ZNF354B: variants seen among roughly 807,000 people sequenced by gnomAD.
The protein encoded by ZNF354B is zinc finger protein 354B.
A neutral mutation model predicts 12.9 loss-of-function variants in ZNF354B; 10 were observed. That is an observed-to-expected ratio of 0.77 (90% CI 0.48 to 1.31). The LOEUF is 1.31. Ranked by LOEUF, ZNF354B falls within the 40% of genes most tolerant of loss-of-function variation. The pLI is 0.00. For synonymous variants in ZNF354B, 260 were observed against 243.7 expected, an observed-to-expected ratio of 1.07 and a Z score of -0.62; for missense variants, 614 against 711.7, an observed-to-expected ratio of 0.86 and a Z score of 1.56.
In ZNF354B at chr5:178,873,934, G is replaced by T. The variant is rs551015830; in HGVS notation, c.256+6863G>T. 9.3e-5 allele frequency among the ~76,000 whole-genome samples: 14 copies of T among 150,898 alleles called. No homozygotes were observed. The East Asian group carries it at 1.9e-3, about 21-fold the overall frequency. On this transcript the variant is annotated intron_variant, in intron 4 of 4. Transcript: ENST00000322434. Reference sequence around the variant, plus strand: ...TCAGTGTTTGTAGTTTTCATCATATGAGTCCTCTGTTTTTTTTTTCTTTTT... The same window carrying T: ...TCAGTGTTTGTAGTTTTCATCATATTAGTCCTCTGTTTTTTTTTTCTTTTT...
intron 4 of ZNF354B, among the ~76,000 whole-genome samples, chr5:178,872,999 G>C (rs950738247): frequency 6.6e-5 from 10 of 152,118 alleles, no homozygotes; most frequent in Admixed American, 6.6e-4. Flanking sequence ...TATTGGCCAG[G>C]CTGGTCTCAA....
intron 2 of ZNF354B, among the ~76,000 whole-genome samples, chr5:178,862,101 T>G (rs1310827864): frequency 6.6e-6 from 1 of 152,196 alleles, no homozygotes; most frequent in Non-Finnish European, 1.5e-5. Context: ...AATACTAATG[T>G]CCACCGAGTG....
At chr5:178,870,812 T>TA (rs1272520418) in intron 4 of ZNF354B, among the ~76,000 whole-genome samples, 1 of 152,142 alleles carries the variant, frequency 6.6e-6, no homozygotes, top group Non-Finnish European at 1.5e-5. Flanking sequence ...CAATGCCCTG[T>TA]AGCCCTATTG....
intron 3 of ZNF354B, 146 bp from the exon 4 acceptor site, chr5:178,866,830 A>G (rs745961790): frequency 4.2e-6 from 3 of 713,642 alleles, no homozygotes; most frequent in African/African-American, 1.8e-5. Flanking sequence ...AGATCATTCT[A>G]TAGATGCCAG....
At chr5:178,868,089 G>C (rs1302614183) in intron 4 of ZNF354B, among the ~76,000 whole-genome samples, 3 of 151,896 alleles carry the variant, frequency 2.0e-5, no homozygotes, top group South Asian at 2.1e-4. Context: ...GGGTACAGGA[G>C]CAGTTGGGTG....
chr5:178,861,936 G>A (rs1046052931), intron 2 of ZNF354B, among the ~76,000 whole-genome samples: 1 of 152,120 alleles, frequency 6.6e-6, no homozygotes, highest in Admixed American at 6.5e-5. Flanking sequence ...ATCAGGGCTG[G>A]GCACTGAGTA....
rs549554639 is a variant in ZNF354B at position 178,867,906 on chromosome 5, G to A, written c.256+835G>A. ...TATTCATGACGTTGCTATGTGATTC[G>A]AATTTAATACAGATGGTCACTTTGG... On this transcript the variant is annotated intron_variant, in intron 4 of 4. Transcript: ENST00000322434. 1.9e-4 allele frequency among the ~76,000 whole-genome samples: 29 copies of A among 152,246 alleles called. No individual in the cohort carries two copies. The South Asian group carries it at 5.4e-3, about 28-fold the overall frequency.
At chr5:178,865,549 G>A (rs10039708) in intron 2 of ZNF354B, among the ~76,000 whole-genome samples, 22,557 of 152,120 alleles carry the variant, frequency 0.15, 2,056 homozygotes, top group African/African-American at 0.25. Context: ...TTACAGGCAT[G>A]AGTCACTGCA....
intron 4 of ZNF354B, among the ~76,000 whole-genome samples, chr5:178,867,886 A>G (rs1363970169): frequency 2.0e-5 from 3 of 152,206 alleles, no homozygotes; most frequent in Non-Finnish European, 2.9e-5. Context: ...GAATATATTC[A>G]TGACGTTGCT....
chr5:178,868,088 A>C (rs1757492872), intron 4 of ZNF354B, among the ~76,000 whole-genome samples: 1 of 151,552 alleles, frequency 6.6e-6, no homozygotes, highest in Non-Finnish European at 1.5e-5. Context: ...AGGGTACAGG[A>C]GCAGTTGGGT....
In ZNF354B at chr5:178,866,361, G is replaced by A; in HGVS notation, c.151G>A (p.Val51Ile). 5 of 1,612,552 alleles carry A rather than the reference G, an allele frequency of 3.1e-6. No individual in the cohort carries two copies. The highest frequency in any genetic ancestry group is 4.2e-6 in the Non-Finnish European group (5 of 1,179,458). Reference protein sequence around the residue: ...DVMLENYRNLVSLGLSFTKPK... With the variant: ...DVMLENYRNLISLGLSFTKPK... ...GATGCTGGAGAACTATAGGAACCTG[G>A]TCTCACTGGGTAAGGAAATTTCCCC... Residue 51 changes from valine (V) to isoleucine (I), a missense_variant, in exon 3 of 5, where the codon GTC becomes ATC. Physicochemically the swap from Val to Ile is conservative, Grantham distance 29 (BLOSUM62 3). Transcript: ENST00000322434.
chr5:178,872,187 G>A (rs10040956), intron 4 of ZNF354B, among the ~76,000 whole-genome samples: 82,601 of 151,732 alleles, frequency 0.54, 23,182 homozygotes, highest in Non-Finnish European at 0.61. Flanking sequence ...TGTGTTCTCC[G>A]TTCTATAATT....
At position 178,866,968 on chromosome 5, in the gene ZNF354B, A is replaced by G. The variant is rs752646807; in HGVS notation, c.161-8A>G. ...GAGACTTTTGTTGTTGTTGTTGTTTATGTGCAGGACTCTCATTTACCAAAC... is the reference window on the plus strand; with the variant it reads ...GAGACTTTTGTTGTTGTTGTTGTTTGTGTGCAGGACTCTCATTTACCAAAC... On this transcript the variant is annotated splice_region_variant and splice_polypyrimidine_tract_variant and intron_variant, in intron 3 of 4. Transcript: ENST00000322434. The G allele has an allele frequency of 1.2e-6, 2 of 1,612,216 alleles. No individual in the cohort carries two copies. The highest frequency in any genetic ancestry group is 1.7e-6 in the Non-Finnish European group (2 of 1,178,720).
chr5:178,878,426 A>G (rs928289965), intron 4 of ZNF354B, among the ~76,000 whole-genome samples: 2 of 151,998 alleles, frequency 1.3e-5, no homozygotes, highest in African/African-American at 4.8e-5. Flanking sequence ...AATTCTTATC[A>G]TTTGGGGAAG....
At chr5:178,874,242 C>T (rs964012025) in intron 4 of ZNF354B, among the ~76,000 whole-genome samples, 5 of 152,186 alleles carry the variant, frequency 3.3e-5, no homozygotes, top group Non-Finnish European at 5.9e-5. Context: ...CAGGCATGAG[C>T]CACCATGCCT....
At chr5:178,860,367 C>G (rs866054623) in intron 1 of ZNF354B, among the ~76,000 whole-genome samples, 28 of 141,852 alleles carry the variant, frequency 2.0e-4, no homozygotes, top group African/African-American at 6.8e-4. Flanking sequence ...CCTCCCGGGC[C>G]CACCCTGCGC....
intron 4 of ZNF354B, among the ~76,000 whole-genome samples, chr5:178,867,648 G>C (rs1356596805): frequency 1.3e-5 from 2 of 152,162 alleles, no homozygotes; most frequent in Non-Finnish European, 2.9e-5. Flanking sequence ...CTGAAAACAA[G>C]AGTCCAGGGA....
chr5:178,868,932 A>G (rs1361511535), intron 4 of ZNF354B, among the ~76,000 whole-genome samples: 1 of 151,240 alleles, frequency 6.6e-6, no homozygotes, highest in Non-Finnish European at 1.5e-5. Flanking sequence ...AGATCGCGCC[A>G]CTGCACTCCA....
chr5:178,870,101 C>T (rs962842790), intron 4 of ZNF354B, among the ~76,000 whole-genome samples: 1 of 152,018 alleles, frequency 6.6e-6, no homozygotes, highest in African/African-American at 2.4e-5. Flanking sequence ...CACTTGAGCC[C>T]AGGGGTTCGA....
Sources: allele counts gnomAD v4.1 joint callset (sites outside exome capture counted in the v4.1 genomes callset), GRCh38; gene constraint gnomAD v4.1.1; transcripts MANE v1.5; gene names NCBI Gene and HGNC (gene_info 2026-07-23, HGNC 2026-07-21).